Variants in HAUS6 observed in about 807,000 individuals in gnomAD.
HAUS6 encodes the protein HAUS augmin like complex subunit 6.
A neutral mutation model predicts 106.8 loss-of-function variants in HAUS6; 80 were observed. The observed-to-expected ratio is 0.75, with a 90% CI of 0.63 to 0.90. The LOEUF is 0.90. Ranked by LOEUF, HAUS6 falls within the 40% of genes least tolerant of loss-of-function variation. HAUS6 has a pLI of 0.00. For synonymous variants in HAUS6, 356 were observed against 379.1 expected, an observed-to-expected ratio of 0.94 and a Z score of 0.71; for missense variants, 1,155 against 1,118.1, an observed-to-expected ratio of 1.03 and a Z score of -0.47.
chr9:19,054,221 A>G lies in HAUS6; in HGVS notation c.*2122T>C, dbSNP rs1168959804. ...AAGCATTTCAGTAAAAAAATGGGAG[A>G]TTACAGCGGAAGGGGGAGTAGAGGA... On this transcript the variant is annotated 3_prime_UTR_variant, in exon 17 of 17. Coordinates refer to ENST00000380502, the MANE Select transcript of HAUS6 (RefSeq NM_017645.5). The G allele has an allele frequency of 6.6e-6, 1 of 152,220 alleles. No individual in the cohort carries two copies. Among genetic ancestry groups the G allele is most frequent in the Non-Finnish European group, 1.5e-5 (1 of 68,034 alleles). The allele number at this position is 152,220 out of a possible 1,614,324, so 9.4% of individuals were successfully genotyped here.
Position 19,076,317 on chromosome 9 carries a change from G to C in HAUS6, c.1294+285C>G, listed in dbSNP as rs148542760. Reference sequence around the variant, plus strand: ...TACAGTGAGCTGAGATTGTTCGACTGCACTCCAGCTTGGGCAACAAAGTGA... The same window carrying C: ...TACAGTGAGCTGAGATTGTTCGACTCCACTCCAGCTTGGGCAACAAAGTGA... On this transcript the variant is annotated intron_variant, in intron 11 of 16. Transcript: ENST00000380502. Among the ~76,000 whole-genome samples the C allele has an allele frequency of 4.2e-3, 634 of 152,062 alleles. 3 individuals are homozygous for C. Among genetic ancestry groups the C allele is most frequent in the African/African-American group, 0.015 (609 of 41,496 alleles).
intron 1 of HAUS6, among the ~76,000 whole-genome samples, chr9:19,099,781 G>A (rs1385249551): frequency 6.6e-6 from 1 of 152,212 alleles, no homozygotes; most frequent in South Asian, 2.1e-4. Flanking sequence ...AGGGTGCAGT[G>A]GCTCATGTCT....
intron 12 of HAUS6, chr9:19,065,121 G>C (rs1564009041): frequency 1.3e-5 from 2 of 152,218 alleles, no homozygotes; most frequent in African/African-American, 4.8e-5. Flanking sequence ...CCATTTGAAT[G>C]ATTCTTGTGG....
chr9:19,089,024 C>T (rs986759336), intron 5 of HAUS6, among the ~76,000 whole-genome samples: 6 of 152,134 alleles, frequency 3.9e-5, no homozygotes, highest in Non-Finnish European at 7.3e-5. Context: ...GGGCAGAATA[C>T]GTGAGCTCAG....
intron 11 of HAUS6, 38 bp downstream of exon 11, chr9:19,076,564 G>A (rs969642841): frequency 3.5e-6 from 3 of 847,204 alleles, no homozygotes; most frequent in Non-Finnish European, 6.0e-6. Flanking sequence ...ATGACAGGAA[G>A]GAGGTTTCAA....
chr9:19,063,871 T>G, intron 12 of HAUS6: 5 of 537,706 alleles, frequency 9.3e-6, no homozygotes, highest in Non-Finnish European at 1.4e-5. Context: ...ACTCCACAAC[T>G]TGAACACAGG....
In HAUS6 at chr9:19,096,699, G is replaced by A; in HGVS notation, c.199C>T (p.Gln67Ter). 2 of 1,515,586 alleles carry A rather than the reference G, an allele frequency of 1.3e-6. No homozygotes were observed. The highest frequency in any genetic ancestry group is 9.0e-7 in the Non-Finnish European group (1 of 1,113,726). 93.9% of individuals were successfully genotyped at this position (1,515,586 alleles called of 1,614,324 possible). ...ISYFLFQVLD[Q>*]SLTKEVFKFC... ...TTGAAAACTTCTTTGGTGAGAGACT[G>A]GTCCAGAACTTGAAACAAAAAATAA... Residue 67 changes from glutamine to a stop codon, truncating the protein, a stop_gained, in exon 2 of 17, where the codon CAG becomes TAG. Transcript: ENST00000380502. LOFTEE classifies it high-confidence loss of function.
chr9:19,070,247 A>C lies in HAUS6; in HGVS notation c.1348T>G (p.Leu450Val), dbSNP rs533444110. Residue 450 changes from leucine to valine, a missense_variant, in exon 12 of 17, where the codon TTG becomes GTG. Physicochemically the swap from Leu to Val is conservative, Grantham distance 32. Around this residue, in one of 3 missense-constraint regions of HAUS6, gnomAD observed 761 missense variants for 690.0 expected, o/e 1.10. Coordinates refer to ENST00000380502, the MANE Select transcript of HAUS6 (RefSeq NM_017645.5). Reference protein sequence around the residue: ...ENGCRGDSDTLGALHDLANSP... With the variant: ...ENGCRGDSDTVGALHDLANSP... ...TTGGCTAGATCATGTAGCGCTCCCA[A>C]GGTATCACTGTCTCCTCTGCAACCA... 324 of 1,599,820 alleles carry C rather than the reference A, an allele frequency of 2.0e-4. 3 individuals are homozygous for C. In the South Asian group the frequency reaches 3.4e-3, roughly 17 times the overall value.
chr9:19,097,759 A>G (rs915579114), intron 1 of HAUS6, among the ~76,000 whole-genome samples: 1 of 149,034 alleles, frequency 6.7e-6, no homozygotes, highest in African/African-American at 2.5e-5. Context: ...ATTAATCAAA[A>G]CAAAGCCTAA....
chr9:19,062,177 G>T (rs184418712), intron 14 of HAUS6, among the ~76,000 whole-genome samples: 2 of 152,206 alleles, frequency 1.3e-5, no homozygotes, highest in East Asian at 3.9e-4. Flanking sequence ...TTAAGGGAGG[G>T]GGCTGGTTAG....
chr9:19,079,285 G>A (rs1837083119), intron 9 of HAUS6, among the ~76,000 whole-genome samples: 1 of 148,276 alleles, frequency 6.7e-6, no homozygotes, highest in African/African-American at 2.5e-5. Flanking sequence ...CTGGAGGAGT[G>A]CAATGGTGCA....
intron 4 of HAUS6, 198 bp from the exon 5 acceptor site, chr9:19,089,757 A>C: frequency 1.8e-6 from 1 of 544,078 alleles, no homozygotes; most frequent in Non-Finnish European, 3.2e-6. Context: ...AAGAAATTAA[A>C]TTAACATCAC....
intron 5 of HAUS6, among the ~76,000 whole-genome samples, chr9:19,089,161 T>C (rs1817692403): frequency 2.0e-5 from 3 of 151,886 alleles, no homozygotes; most frequent in Non-Finnish European, 2.9e-5. Flanking sequence ...GAGGATGACT[T>C]AAGCCTAGGA....
chr9:19,084,641 T>G (rs1837244682), intron 7 of HAUS6, among the ~76,000 whole-genome samples: 1 of 151,288 alleles, frequency 6.6e-6, no homozygotes. Context: ...TTTTCTTTTT[T>G]TTTTTTTTTG....
intron 14 of HAUS6, among the ~76,000 whole-genome samples, chr9:19,060,713 A>C (rs1406066360): frequency 6.6e-6 from 1 of 152,258 alleles, no homozygotes. Context: ...TCATTACTGA[A>C]AAAAGCATAC....
rs1836420925 is a variant in HAUS6 at position 19,054,194 on chromosome 9, T to G, written c.*2149A>C. The G allele has an allele frequency of 6.6e-6, 1 of 152,170 alleles. No homozygotes were observed. Among genetic ancestry groups the G allele is most frequent in the African/African-American group, 2.4e-5 (1 of 41,448 alleles). 9.4% of individuals were successfully genotyped at this position (152,170 alleles called of 1,614,324 possible). ...AAGACCTCTAAAGACCCATGCTCAC[T>G]GAAGCATTTCAGTAAAAAAATGGGA... On this transcript the variant is annotated 3_prime_UTR_variant, in exon 17 of 17. Transcript: ENST00000380502.
intron 13 of HAUS6, 88 bp downstream of exon 13, chr9:19,063,426 T>C (rs1836676543): frequency 4.2e-6 from 3 of 712,714 alleles, no homozygotes; most frequent in Non-Finnish European, 6.9e-6. Context: ...AATTAGAAAT[T>C]AAATTTAACT....
At position 19,058,149 on chromosome 9, in the gene HAUS6, A is replaced by T; in HGVS notation, c.2618T>A (p.Val873Glu). The change falls in exon 16 of 17, where the codon GTA becomes GAA. Residue 873 changes from valine to glutamate, a missense_variant. By Grantham distance (121) the Val-to-Glu change is moderately radical. Transcript: ENST00000380502. ...KPELSPTPQN[V>E]QTDDTLNFLD... The stretch of plus-strand genomic sequence containing the variant: ...AAAGTTAAGCGTATCATCTGTTTGT[A>T]CATTTTGGGGAGTAGGGCTCAATTC... 1 of 1,613,940 alleles carries T rather than the reference A, an allele frequency of 6.2e-7. No homozygotes were observed. The highest frequency in any genetic ancestry group is 2.2e-5 in the East Asian group (1 of 44,884).
intron 4 of HAUS6, 29 bp downstream of exon 4, chr9:19,093,137 TCAAAA>T (rs1425849799): frequency 1.4e-6 from 2 of 1,385,052 alleles, no homozygotes; most frequent in Non-Finnish European, 9.9e-7. Flanking sequence ...AATTTAAGAA[TCAAAA>T]CAAAAAATCT....
Sources: allele counts gnomAD v4.1 joint callset (sites outside exome capture counted in the v4.1 genomes callset), GRCh38; gene constraint gnomAD v4.1.1; regional missense constraint gnomAD v4.1.1; transcripts MANE v1.5; gene names NCBI Gene and HGNC (gene_info 2026-07-23, HGNC 2026-07-21).